Variants in KRIT1 observed in about 807,000 individuals in gnomAD.
KRIT1 encodes the protein KRIT1 ankyrin repeat containing.
KRIT1 carries 45 observed loss-of-function variants against 95.8 expected under a neutral mutation model. The observed-to-expected ratio is 0.47, with a 90% CI of 0.37 to 0.60. KRIT1 has a LOEUF of 0.60. Among genes scored for constraint, KRIT1 ranks in the 20% least tolerant of loss-of-function variants. The pLI, the probability that KRIT1 is intolerant of heterozygous loss-of-function variation, is 0.00. For synonymous variants in KRIT1, 282 were observed against 278.8 expected (o/e 1.01, Z -0.11); for missense variants, 788 against 877.5 (o/e 0.90, Z 1.29).
At chr7:92,223,343 G>A (rs1328177763) in intron 12 of KRIT1, among the ~76,000 whole-genome samples, 1 of 150,390 alleles carries the variant, frequency 6.6e-6, no homozygotes, top group African/African-American at 2.4e-5. Context: ...TACTAAGGAG[G>A]CTGAGGCGTG....
intron 10 of KRIT1, among the ~76,000 whole-genome samples, chr7:92,231,259 G>A (rs1797228881): frequency 6.6e-6 from 1 of 152,064 alleles, no homozygotes; most frequent in East Asian, 1.9e-4. Context: ...GTAAAGAATG[G>A]TTTTTACATG....
upstream of KRIT1, chr7:92,245,938 C>T (rs1195802482): frequency 4.0e-6 from 1 of 248,366 alleles, no homozygotes; most frequent in Non-Finnish European, 7.9e-6. Context: ...GGTTCACACC[C>T]TTTGCAGCCT....
chr7:92,230,529 A>G (rs1797063683), intron 10 of KRIT1, among the ~76,000 whole-genome samples: 2 of 152,216 alleles, frequency 1.3e-5, no homozygotes, highest in Non-Finnish European at 1.5e-5. Flanking sequence ...AAGAGTGAAA[A>G]AGAGAAAGCA....
At chr7:92,217,886 G>A (rs1013760234) in intron 14 of KRIT1, among the ~76,000 whole-genome samples, 1 of 152,030 alleles carries the variant, frequency 6.6e-6, no homozygotes, top group African/African-American at 2.4e-5. Flanking sequence ...ATGTACCAGG[G>A]TTCCAATTTC....
intron 10 of KRIT1, among the ~76,000 whole-genome samples, chr7:92,230,949 CAA>C (rs1312917257): frequency 2.0e-5 from 3 of 152,150 alleles, no homozygotes; most frequent in Admixed American, 2.0e-4. Flanking sequence ...CTGAATGAAA[CAA>C]AGAGTACAGA....
chr7:92,204,391 G>A (rs1023411108), intron 17 of KRIT1, among the ~76,000 whole-genome samples: 1 of 152,058 alleles, frequency 6.6e-6, no homozygotes, highest in African/African-American at 2.4e-5. Flanking sequence ...TTCTTCCACA[G>A]ACAGGGGTGT....
rs777870039 is a variant in KRIT1, at chr7:92,214,788, A to G, written c.1564-11T>C. 1.9e-6 allele frequency: 3 copies of G among 1,571,530 alleles called. No individual in the cohort carries two copies. The stretch of plus-strand genomic sequence containing the variant: ...TAGTGGGTCTTCAATCTTAAAGGAA[A>G]AAGTATAATTTGGTTATTAGGCTAC... On this transcript the variant is annotated splice_polypyrimidine_tract_variant and intron_variant, in intron 14 of 18. Coordinates refer to ENST00000394505, the MANE Select transcript of KRIT1 (RefSeq NM_194454.3).
chr7:92,225,497 G>A (rs1796029511), intron 12 of KRIT1, among the ~76,000 whole-genome samples: 1 of 151,990 alleles, frequency 6.6e-6, no homozygotes, highest in African/African-American at 2.4e-5. Context: ...TCATAGAGAT[G>A]GGGTTTCACC....
At chr7:92,234,734 A>G in intron 9 of KRIT1, 74 bp downstream of exon 9, 1 of 1,142,912 alleles carries the variant, frequency 8.7e-7, no homozygotes. Context: ...AATTGCATAT[A>G]TAATTTTAAA....
At chr7:92,232,909 G>A (rs928137333) in intron 10 of KRIT1, among the ~76,000 whole-genome samples, 3 of 152,052 alleles carry the variant, frequency 2.0e-5, no homozygotes, top group South Asian at 2.1e-4. Flanking sequence ...TAGCCAGGAT[G>A]GTCTCAACCT....
In KRIT1 at chr7:92,241,162, G is replaced by A. The variant is rs1167222830; in HGVS notation, c.103-10C>T. 6.3e-7 allele frequency: 1 copy of A among 1,587,048 alleles called. No individual in the cohort carries two copies. Among genetic ancestry groups the A allele is most frequent in the Non-Finnish European group, 8.6e-7 (1 of 1,157,026 alleles). The stretch of plus-strand genomic sequence containing the variant: ...CTTCATGCAACAAAATCTTAGATGA[G>A]AAAAACATTAAGAGAAAGCTTAAAA... On this transcript the variant is annotated splice_polypyrimidine_tract_variant and intron_variant, in intron 4 of 18. Transcript: ENST00000394505.
Position 92,199,664 on chromosome 7 carries a change from G to A in KRIT1, c.*1072C>T, listed in dbSNP as rs1267945030. 1 of 152,186 alleles carries A rather than the reference G, an allele frequency of 6.6e-6. No homozygotes were observed. The highest frequency in any genetic ancestry group is 1.5e-5 in the Non-Finnish European group (1 of 68,032). The allele number at this position is 152,186 out of a possible 1,614,324, so 9.4% of individuals were successfully genotyped here. ...AGATTATCACTTAAAATGTGTCTAT[G>A]TATGTGTGTGCTTGTGTGCCAGGCA... is the stretch of plus-strand genomic sequence containing the variant. On this transcript the variant is annotated 3_prime_UTR_variant, in exon 19 of 19. Coordinates refer to ENST00000394505, the MANE Select transcript of KRIT1 (RefSeq NM_194454.3).
chr7:92,230,413 T>A (rs1797043467), intron 10 of KRIT1, among the ~76,000 whole-genome samples: 1 of 152,190 alleles, frequency 6.6e-6, no homozygotes, highest in Non-Finnish European at 1.5e-5. Context: ...ATAGCTCCAT[T>A]ATGCTCTTTC....
At chr7:92,211,841 C>T (rs1378698283) in intron 17 of KRIT1, among the ~76,000 whole-genome samples, 2 of 151,798 alleles carry the variant, frequency 1.3e-5, no homozygotes, top group Non-Finnish European at 2.9e-5. Context: ...GCTTGTAATC[C>T]CAGCACTTTG....
Position 92,222,946 on chromosome 7 carries a change from C to T in KRIT1, c.1287G>A (p.Gly429=). The change falls in exon 13 of 19, where the codon GGG becomes GGA. Residue 429 remains glycine (G), a synonymous_variant. Coordinates refer to ENST00000394505, the MANE Select transcript of KRIT1 (RefSeq NM_194454.3). ...YEKVRIYRMD[G]SYRSVELKHG... ...GCTTCAATTCAACAGAACGATATGA[C>T]CCATCCATTCTGTATATTCGAACTT... is the stretch of plus-strand genomic sequence containing the variant. The T allele has an allele frequency of 1.2e-6, 2 of 1,610,036 alleles. No homozygotes were observed. The highest frequency in any genetic ancestry group is 8.5e-7 in the Non-Finnish European group (1 of 1,176,646).
intron 17 of KRIT1, among the ~76,000 whole-genome samples, chr7:92,207,941 C>T (rs1051259981): frequency 2.0e-5 from 3 of 152,246 alleles, no homozygotes; most frequent in Middle Eastern, 6.8e-3. Context: ...CTGCAGAACA[C>T]ACATTCTCCA....
chr7:92,219,062 G>GT, intron 14 of KRIT1, among the ~76,000 whole-genome samples: 1 of 152,156 alleles, frequency 6.6e-6, no homozygotes, highest in East Asian at 1.9e-4. Context: ...GTACAGTGGT[G>GT]TGATCTTGGC....
chr7:92,218,239 G>GACAAAA (rs1376176042), intron 14 of KRIT1, among the ~76,000 whole-genome samples: 1 of 151,710 alleles, frequency 6.6e-6, no homozygotes, highest in Non-Finnish European at 1.5e-5. Flanking sequence ...CAAAGACAAA[G>GACAAAA]ACAAAAACAA....
intron 3 of KRIT1, among the ~76,000 whole-genome samples, chr7:92,243,615 T>C (rs1464827031): frequency 1.3e-5 from 2 of 152,184 alleles, no homozygotes; most frequent in Non-Finnish European, 2.9e-5. Flanking sequence ...CTGTAACTTT[T>C]AATTCACTTC....
Sources: allele counts gnomAD v4.1 joint callset (sites outside exome capture counted in the v4.1 genomes callset), GRCh38; gene constraint gnomAD v4.1.1; transcripts MANE v1.5; gene names NCBI Gene and HGNC (gene_info 2026-07-23, HGNC 2026-07-21).